Variants in F13A1 observed in about 807,000 individuals in gnomAD.
F13A1 encodes coagulation factor XIII A chain.
Under a neutral mutation model 80.1 loss-of-function variants are expected in F13A1, and 47 were observed. The ratio of observed to expected loss-of-function variants is 0.59; its 90% CI spans 0.46 to 0.75. F13A1 has a LOEUF of 0.75. Ranked by LOEUF, F13A1 falls within the 30% of genes least tolerant of loss-of-function variation. F13A1 has a pLI of 0.00. For synonymous variants in F13A1, 349 were observed against 344.9 expected (o/e 1.01, Z -0.13); for missense variants, 817 against 930.4 (o/e 0.88, Z 1.59).
intron 9 of F13A1, 94 bp from the exon 10 acceptor site, chr6:6,195,979 G>T: frequency 8.8e-7 from 1 of 1,140,540 alleles, no homozygotes; most frequent in Non-Finnish European, 1.3e-6. Flanking sequence ...ACTCTGTAAA[G>T]ACCAGTGTTC....
Position 6,222,175 on chromosome 6 carries a change from C to A in F13A1, c.974-4G>T, listed in dbSNP as rs1345286429. On this transcript the variant is annotated splice_polypyrimidine_tract_variant and splice_region_variant and intron_variant, in intron 7 of 14. Coordinates refer to ENST00000264870, the MANE Select transcript of F13A1 (RefSeq NM_000129.4). The stretch of plus-strand genomic sequence containing the variant: ...GGTATTCCAAGGCATCGTAAAACTA[C>A]AGGAAAGGACAGACCACAGCTAAAC... The A allele has an allele frequency of 6.2e-7, 1 of 1,613,926 alleles. No homozygotes were observed. The highest frequency in any genetic ancestry group is 2.2e-5 in the East Asian group (1 of 44,870).
intron 8 of F13A1, among the ~76,000 whole-genome samples, chr6:6,204,766 G>T (rs1372807682): frequency 6.6e-6 from 1 of 152,248 alleles, no homozygotes; most frequent in Non-Finnish European, 1.5e-5. Context: ...AGAGGAAAGA[G>T]GCATGCTGCA....
At chr6:6,265,297 G>C (rs1249352450) in intron 4 of F13A1, among the ~76,000 whole-genome samples, 1 of 152,154 alleles carries the variant, frequency 6.6e-6, no homozygotes, top group South Asian at 2.1e-4. Flanking sequence ...TTAGAGAGCA[G>C]TGCATATGGG....
At chr6:6,218,617 A>G (rs1381439101) in intron 8 of F13A1, among the ~76,000 whole-genome samples, 2 of 152,096 alleles carry the variant, frequency 1.3e-5, no homozygotes, top group Non-Finnish European at 2.9e-5. Flanking sequence ...TCTCCTGAAC[A>G]GCTAAGGAGC....
At chr6:6,156,094 G>T (rs13200015) in intron 13 of F13A1, among the ~76,000 whole-genome samples, 1 of 152,084 alleles carries the variant, frequency 6.6e-6, no homozygotes, top group Non-Finnish European at 1.5e-5. Flanking sequence ...ACTTGGTGAC[G>T]TCAAATGCTT....
At chr6:6,218,513 C>A (rs926173372) in intron 8 of F13A1, among the ~76,000 whole-genome samples, 2 of 152,236 alleles carry the variant, frequency 1.3e-5, no homozygotes, top group African/African-American at 4.8e-5. Flanking sequence ...GGATCTGCTA[C>A]TTTGCATTTG....
chr6:6,167,421 C>T (rs368920004), intron 13 of F13A1, 37 bp downstream of exon 13: 1 of 1,608,794 alleles, frequency 6.2e-7, no homozygotes, highest in Admixed American at 1.7e-5. Flanking sequence ...GTCTGCGTGC[C>T]TTTGTCTCTG....
At chr6:6,268,006 CAT>C (rs1757869073) in intron 3 of F13A1, among the ~76,000 whole-genome samples, 1 of 152,230 alleles carries the variant, frequency 6.6e-6, no homozygotes, top group African/African-American at 2.4e-5. Context: ...TTCAAAGACT[CAT>C]ATTGAATTTC....
chr6:6,260,911 G>C (rs1338482830), intron 4 of F13A1, among the ~76,000 whole-genome samples: 1 of 152,182 alleles, frequency 6.6e-6, no homozygotes, highest in East Asian at 1.9e-4. Flanking sequence ...GTTCAGGGTA[G>C]AGCCAGTGAA....
intron 12 of F13A1, among the ~76,000 whole-genome samples, chr6:6,173,928 G>A (rs182490260): frequency 6.6e-6 from 1 of 152,058 alleles, no homozygotes; most frequent in African/African-American, 2.4e-5. Flanking sequence ...TGTGGGGTGG[G>A]ACATGAGATT....
chr6:6,195,707 A>C (rs1761277216), intron 10 of F13A1, 90 bp downstream of exon 10: 2 of 1,215,890 alleles, frequency 1.6e-6, no homozygotes, highest in Admixed American at 3.9e-5. Flanking sequence ...ATGTACCTGG[A>C]AAACTTAGAA....
chr6:6,175,731 TG>T (rs1760872179), intron 11 of F13A1, among the ~76,000 whole-genome samples: 1 of 152,232 alleles, frequency 6.6e-6, no homozygotes. Context: ...GAGGGACATC[TG>T]TTGACAGGCG....
chr6:6,172,451 G>GTTTTTTTTT (rs60664705), intron 12 of F13A1, among the ~76,000 whole-genome samples: 3 of 148,000 alleles, frequency 2.0e-5, no homozygotes, highest in Admixed American at 6.7e-5. Flanking sequence ...ACACTATAGT[G>GTTTTTTTTT]TTTTTTTTTT....
At chr6:6,267,162 A>C (rs771189867) in intron 3 of F13A1, among the ~76,000 whole-genome samples, 4 of 152,356 alleles carry the variant, frequency 2.6e-5, no homozygotes, top group Non-Finnish European at 4.4e-5. Flanking sequence ...AGGTGGTTAC[A>C]TAAGTTACTG....
chr6:6,189,897 A>C (rs1236262774), intron 10 of F13A1, among the ~76,000 whole-genome samples: 1 of 152,112 alleles, frequency 6.6e-6, no homozygotes, highest in African/African-American at 2.4e-5. Flanking sequence ...ACATAGTCCC[A>C]TATTTCTTGG....
At position 6,197,227 on chromosome 6, in the gene F13A1, G is replaced by T. The variant is rs537966361; in HGVS notation, c.1212C>A (p.Ser404Arg). The T allele has an allele frequency of 8.1e-6, 13 of 1,613,836 alleles. No individual in the cohort carries two copies. In the South Asian group the frequency reaches 1.1e-4, roughly 14 times the overall value. The stretch of plus-strand genomic sequence containing the variant: ...AGAGGGAGGACACAGTTTTACCATC[G>T]CTATTTTCCTGGGGGGTGCTGTCCA... Reference protein sequence around the residue: ...QAVDSTPQENSDGMYRCGPAS... With the variant: ...QAVDSTPQENRDGMYRCGPAS... Residue 404 changes from serine (S) to arginine (R), a missense_variant, in exon 9 of 15, where the codon AGC becomes AGA. Ser to Arg is a moderately radical substitution (Grantham distance 110). Coordinates refer to ENST00000264870, the MANE Select transcript of F13A1 (RefSeq NM_000129.4).
intron 4 of F13A1, among the ~76,000 whole-genome samples, chr6:6,262,802 C>A (rs1179335367): frequency 6.6e-6 from 1 of 152,152 alleles, no homozygotes. Context: ...CTACTCTACT[C>A]CTGTCTCTGG....
chr6:6,167,425 G>A (rs781302959), intron 13 of F13A1, 33 bp downstream of exon 13: 262 of 1,598,190 alleles, frequency 1.6e-4, no homozygotes, highest in Non-Finnish European at 2.2e-4. Flanking sequence ...GCGTGCCTTT[G>A]TCTCTGTTCC....
At position 6,206,290 on chromosome 6, in the gene F13A1, C is replaced by T. The variant is rs144972418; in HGVS notation, c.1113-8964G>A. The T allele has an allele frequency of 1.9e-3, 664 of 357,060 alleles. 1 individual carries two copies. The highest frequency in any genetic ancestry group is 0.013 in the African/African-American group (610 of 46,842). The allele number at this position is 357,060 out of a possible 1,614,324, so 22.1% of individuals were successfully genotyped here. On this transcript the variant is annotated intron_variant, in intron 8 of 14. Transcript: ENST00000264870. ...TACATTACATTCAGTATAGCCTAGG[C>T]GGTGCATACTTTATTAGTTTCTAAT...
Sources: allele counts gnomAD v4.1 joint callset (sites outside exome capture counted in the v4.1 genomes callset), GRCh38; gene constraint gnomAD v4.1.1; transcripts MANE v1.5; gene names NCBI Gene and HGNC (gene_info 2026-07-23, HGNC 2026-07-21).